MX2: variants seen among roughly 807,000 people sequenced by gnomAD.
MX2 encodes interferon-induced GTP-binding protein Mx2.
Under a neutral mutation model 74.0 loss-of-function variants are expected in MX2, and 51 were observed. The observed-to-expected ratio is 0.69, with a 90% CI of 0.55 to 0.87. The LOEUF (loss-of-function observed/expected upper bound fraction) is 0.87, where lower values mean the gene tolerates loss of function less well. Ranked by LOEUF, MX2 falls within the 40% of genes least tolerant of loss-of-function variation. MX2 has a pLI of 0.00. For synonymous variants in MX2, 369 were observed against 339.3 expected, an observed-to-expected ratio of 1.09 and a Z score of -0.96; for missense variants, 832 against 908.7, an observed-to-expected ratio of 0.92 and a Z score of 1.09.
intron 10 of MX2, 149 bp downstream of exon 10, chr21:41,399,486 C>G: frequency 1.2e-6 from 1 of 825,730 alleles, no homozygotes; most frequent in Non-Finnish European, 1.9e-6. Context: ...TCTCAACGAA[C>G]AAAACCCAGA....
chr21:41,375,395 G>C (rs1277400032), intron 1 of MX2, among the ~76,000 whole-genome samples: 4 of 152,234 alleles, frequency 2.6e-5, no homozygotes, highest in Admixed American at 2.6e-4. Flanking sequence ...AGACTGGGTG[G>C]CTTAGACAAC....
chr21:41,408,419 C>T lies in MX2; in HGVS notation c.*186C>T, dbSNP rs1005301827. On this transcript the variant is annotated 3_prime_UTR_variant, in exon 14 of 14. Transcript: ENST00000330714. ...CACAGGCTCAGCTCTCTCCACCACC[C>T]AGCTCTTCCCTGACCTTCACGAAGG... The T allele has an allele frequency of 5.3e-6, 4 of 757,472 alleles. No homozygotes were observed. The African/African-American group carries it at 5.3e-5, about 10-fold the overall frequency. 46.9% of individuals were successfully genotyped at this position (757,472 alleles called of 1,614,324 possible).
At chr21:41,403,925 C>T (rs969182507) in intron 12 of MX2, 1 of 253,678 alleles carries the variant, frequency 3.9e-6, no homozygotes, top group Admixed American at 5.0e-5. Context: ...TTAATTTCTT[C>T]TTTCACCCTT....
intron 2 of MX2, 145 bp from the exon 3 acceptor site, chr21:41,377,644 G>T: frequency 1.3e-6 from 1 of 797,978 alleles, no homozygotes; most frequent in Non-Finnish European, 2.0e-6. Flanking sequence ...GCCCCTGAAA[G>T]CAGCAGCACC....
chr21:41,377,137 G>A lies in MX2; in HGVS notation c.231G>A (p.Arg77=). The A allele has an allele frequency of 2.5e-6, 4 of 1,614,130 alleles. No individual in the cohort carries two copies. Among genetic ancestry groups the A allele is most frequent in the Admixed American group, 3.3e-5 (2 of 60,016 alleles). ...ACAATCAGCCACCACCAGGAAACAGGAGCCAACCAAGGGCAATGGTAAGCC... is the reference window on the plus strand; with the variant it reads ...ACAATCAGCCACCACCAGGAAACAGAAGCCAACCAAGGGCAATGGTAAGCC... ...TLNNQPPPGN[R]SQPRAMGPEN... Residue 77 remains arginine (R), a synonymous_variant, in exon 2 of 14, where the codon AGG becomes AGA. Transcript: ENST00000330714.
intron 6 of MX2, among the ~76,000 whole-genome samples, chr21:41,394,470 C>A (rs117003881): frequency 6.6e-6 from 1 of 152,296 alleles, no homozygotes; most frequent in Non-Finnish European, 1.5e-5. Flanking sequence ...CATCACGCAC[C>A]GCTGCCCACG....
intron 1 of MX2, among the ~76,000 whole-genome samples, chr21:41,362,707 GC>G (rs2145844517): frequency 6.6e-6 from 1 of 151,036 alleles, no homozygotes; most frequent in South Asian, 2.1e-4. Flanking sequence ...TTGATATAGA[GC>G]GGAAAGGAGA....
At chr21:41,381,684 C>CAAAAA (rs57350601) in intron 4 of MX2, among the ~76,000 whole-genome samples, 19 of 58,368 alleles carry the variant, frequency 3.3e-4, no homozygotes, top group Non-Finnish European at 4.4e-4. Context: ...GACTCTGTCT[C>CAAAAA]AAAAAAAAAA....
At chr21:41,387,118 C>T (rs2089589917) in intron 5 of MX2, among the ~76,000 whole-genome samples, 1 of 152,218 alleles carries the variant, frequency 6.6e-6, no homozygotes, top group South Asian at 2.1e-4. Context: ...TTTTGTGTCT[C>T]TTCTCAGATT....
At chr21:41,362,703 T>C (rs1021876779) in intron 1 of MX2, among the ~76,000 whole-genome samples, 2 of 150,954 alleles carry the variant, frequency 1.3e-5, no homozygotes, top group Non-Finnish European at 2.9e-5. Context: ...ATAATTGATA[T>C]AGAGCGGAAA....
rs185117959 is a variant in MX2, at chr21:41,408,267, G to T, written c.*34G>T. 616 of 1,608,720 alleles carry T rather than the reference G, an allele frequency of 3.8e-4. 3 individuals are homozygous for T. In the African/African-American group the frequency reaches 7.3e-3, roughly 19 times the overall value. On this transcript the variant is annotated 3_prime_UTR_variant, in exon 14 of 14. Coordinates refer to ENST00000330714, the MANE Select transcript of MX2 (RefSeq NM_002463.2). ...GATGCCTGTGGTTGTTTTCTTGTGCGTACTCATTCATTCTAAGGGGAGTCG... is the reference window on the plus strand; with the variant it reads ...GATGCCTGTGGTTGTTTTCTTGTGCTTACTCATTCATTCTAAGGGGAGTCG...
intron 1 of MX2, among the ~76,000 whole-genome samples, chr21:41,369,932 C>T (rs1289370692): frequency 6.6e-6 from 1 of 152,170 alleles, no homozygotes; most frequent in Non-Finnish European, 1.5e-5. Flanking sequence ...CCGCGTCCCC[C>T]TCAGCCTGCC....
intron 2 of MX2, among the ~76,000 whole-genome samples, 193 bp downstream of exon 2, chr21:41,377,348 C>T (rs560300302): frequency 2.0e-5 from 3 of 152,352 alleles, no homozygotes; most frequent in African/African-American, 7.2e-5. Flanking sequence ...CGGGCTGCTG[C>T]GACGTGGGTC....
At chr21:41,372,529 T>TA (rs56979065) in intron 1 of MX2, among the ~76,000 whole-genome samples, 2,760 of 151,448 alleles carry the variant, frequency 0.018, 80 homozygotes, top group African/African-American at 0.062. Flanking sequence ...TTTAAAGCTA[T>TA]TTTTTTTTAA....
In MX2 at chr21:41,390,606, G is replaced by A. The variant is rs746502416; in HGVS notation, c.774G>A (p.Thr258=). The A allele has an allele frequency of 9.9e-6, 16 of 1,614,208 alleles. No homozygotes were observed. Among genetic ancestry groups the A allele is most frequent in the South Asian group, 2.2e-5 (2 of 91,082 alleles). ...LIKKYIQRQQ[T]INLVVVPCNV... is the part of the protein sequence containing the mutation. Reference sequence around the variant, plus strand: ...AGAAGTACATCCAGAGGCAGCAGACGATCAACTTGGTGGTGGTTCCCTGTA... The same window carrying A: ...AGAAGTACATCCAGAGGCAGCAGACAATCAACTTGGTGGTGGTTCCCTGTA... Residue 258 remains threonine, a synonymous_variant, in exon 6 of 14, where the codon ACG becomes ACA. Transcript: ENST00000330714.
rs1222788620 is a variant in MX2, at chr21:41,408,217, G to T, written c.2132G>T (p.Ser711Ile). ...CGACACGCACTCTGTCAATTCTCCA[G>T]CAAAGAGATCCACTGAAGGGCGGCG... ...QARHALCQFS[S>I]KEIH is the part of the protein sequence containing the mutation. The change falls in exon 14 of 14, where the codon AGC becomes ATC. Residue 711 changes from serine (S) to isoleucine (I), a missense_variant. Coordinates refer to ENST00000330714, the MANE Select transcript of MX2 (RefSeq NM_002463.2). 3 of 1,614,024 alleles carry T rather than the reference G, an allele frequency of 1.9e-6. No individual in the cohort carries two copies. In the African/African-American group the frequency reaches 4.0e-5, roughly 22 times the overall value.
intron 5 of MX2, among the ~76,000 whole-genome samples, chr21:41,385,403 C>T (rs934582513): frequency 4.6e-5 from 7 of 152,320 alleles, no homozygotes; most frequent in Middle Eastern, 3.4e-3. Flanking sequence ...AGGTCTTTCC[C>T]GTGCTGTTCT....
intron 5 of MX2, among the ~76,000 whole-genome samples, chr21:41,385,820 A>C (rs2089564374): frequency 6.6e-6 from 1 of 152,168 alleles, no homozygotes; most frequent in Non-Finnish European, 1.5e-5. Context: ...AATTATAATA[A>C]AAACATCCAA....
At chr21:41,379,815 C>T (rs1358788914) in intron 3 of MX2, among the ~76,000 whole-genome samples, 1 of 152,198 alleles carries the variant, frequency 6.6e-6, no homozygotes, top group Non-Finnish European at 1.5e-5. Context: ...CGAACACTTC[C>T]CAAGGATAGC....
Sources: gnomAD v4.1 joint callset for allele counts (sites outside exome capture counted in the v4.1 genomes callset) on GRCh38, gnomAD v4.1.1 for gene constraint, MANE v1.5 for transcripts, NCBI Gene and HGNC (gene_info 2026-07-23, HGNC 2026-07-21) for gene names.